KLHL1: variants seen among roughly 807,000 people sequenced by gnomAD.
The protein encoded by KLHL1 is kelch like family member 1.
In KLHL1, 47 loss-of-function variants were observed where a neutral mutation model predicts 77.7. The ratio of observed to expected loss-of-function variants is 0.60; its 90% CI spans 0.48 to 0.77. The LOEUF (loss-of-function observed/expected upper bound fraction) is 0.77. Ranked by LOEUF, KLHL1 falls within the 30% of genes least tolerant of loss-of-function variation. KLHL1 has a pLI of 0.00. For synonymous variants in KLHL1, 360 were observed against 325.2 expected (o/e 1.11, Z -1.15); for missense variants, 925 against 910.8 (o/e 1.02, Z -0.20).
chr13:70,052,099 G>A (rs994802641), intron 1 of KLHL1, among the ~76,000 whole-genome samples: 2 of 151,824 alleles, frequency 1.3e-5, no homozygotes, highest in Non-Finnish European at 2.9e-5. Context: ...GGCCATTGAA[G>A]TTCAATCCAG....
In KLHL1 at chr13:69,782,838, G is replaced by T. The variant is rs561700596; in HGVS notation, c.1639+13900C>A. On this transcript the variant is annotated intron_variant, in intron 7 of 10. Coordinates refer to ENST00000377844, the MANE Select transcript of KLHL1 (RefSeq NM_020866.3). ...GTGGTTCTCCCAGCACGCAGCTGGT[G>T]ATCTGAGAATGAGCAGACTGCCTCC... is the stretch of plus-strand genomic sequence containing the variant. 1.2e-4 allele frequency among the ~76,000 whole-genome samples: 18 copies of T among 152,302 alleles called. No homozygotes were observed. In the East Asian group the frequency reaches 1.4e-3, roughly 11 times the overall value.
intron 6 of KLHL1, among the ~76,000 whole-genome samples, chr13:69,822,642 A>C (rs73212520): frequency 0.019 from 2,913 of 152,292 alleles, 65 homozygotes; most frequent in Middle Eastern, 0.044. Flanking sequence ...ACTTACAAAA[A>C]TATTACAAGT....
chr13:69,788,116 A>G (rs1489900809), intron 7 of KLHL1, among the ~76,000 whole-genome samples: 447 of 148,966 alleles, frequency 3.0e-3, no homozygotes, highest in African/African-American at 0.011. Context: ...TTCCTCAGGG[A>G]TCTAGAACTA....
At chr13:69,906,128 C>T (rs574225317) in intron 4 of KLHL1, among the ~76,000 whole-genome samples, 11 of 152,102 alleles carry the variant, frequency 7.2e-5, no homozygotes, top group Admixed American at 2.6e-4. Context: ...TTCTCAATAC[C>T]GCATGAGAAC....
chr13:70,107,587 A>G lies in KLHL1; in HGVS notation c.113T>C (p.Leu38Pro). Residue 38 changes from leucine to proline, a missense_variant, in exon 1 of 11, where the codon CTG becomes CCG. Transcript: ENST00000377844. ...STGGPAGGGCLQQDGSGSFEH... is the reference protein window; with the variant it reads ...STGGPAGGGCPQQDGSGSFEH... Reference sequence around the variant, plus strand: ...AAAGCTGCCACTGCCGTCCTGTTGCAGGCAGCCTCCCCCCGCCGGGCCGCC... The same window carrying G: ...AAAGCTGCCACTGCCGTCCTGTTGCGGGCAGCCTCCCCCCGCCGGGCCGCC... 6.2e-7 allele frequency: 1 copy of G among 1,602,804 alleles called. No individual in the cohort carries two copies. Among genetic ancestry groups the G allele is most frequent in the Non-Finnish European group, 8.5e-7 (1 of 1,174,258 alleles).
chr13:70,037,377 G>A (rs1178107817), intron 1 of KLHL1, among the ~76,000 whole-genome samples: 1 of 152,020 alleles, frequency 6.6e-6, no homozygotes, highest in African/African-American at 2.4e-5. Context: ...CTTGGCTTTT[G>A]CTGTTGCAGT....
At chr13:70,089,736 T>C (rs1419204275) in intron 1 of KLHL1, among the ~76,000 whole-genome samples, 1 of 152,124 alleles carries the variant, frequency 6.6e-6, no homozygotes, top group Admixed American at 6.6e-5. Flanking sequence ...AAAAACAATA[T>C]TAGGTATATT....
At chr13:70,059,899 CA>C (rs1886836341) in intron 1 of KLHL1, among the ~76,000 whole-genome samples, 1 of 152,186 alleles carries the variant, frequency 6.6e-6, no homozygotes, top group Non-Finnish European at 1.5e-5. Context: ...CACTCACTAT[CA>C]TGGGAACAGC....
intron 9 of KLHL1, among the ~76,000 whole-genome samples, chr13:69,710,215 A>T (rs1323040079): frequency 6.6e-6 from 1 of 151,830 alleles, no homozygotes; most frequent in Admixed American, 6.6e-5. Context: ...GGGAAATTTT[A>T]AGAATACTCA....
At chr13:70,071,828 C>CAA (rs1887144555) in intron 1 of KLHL1, among the ~76,000 whole-genome samples, 1 of 151,938 alleles carries the variant, frequency 6.6e-6, no homozygotes, top group Admixed American at 6.6e-5. Context: ...GCATGGAATA[C>CAA]AGTACATACA....
At chr13:69,838,529 A>G (rs1879118911) in intron 6 of KLHL1, among the ~76,000 whole-genome samples, 1 of 151,862 alleles carries the variant, frequency 6.6e-6, no homozygotes, top group Non-Finnish European at 1.5e-5. Flanking sequence ...CTTATAAATT[A>G]TAACTTTCAC....
At chr13:69,748,608 A>G (rs182415088) in intron 7 of KLHL1, among the ~76,000 whole-genome samples, 1 of 152,146 alleles carries the variant, frequency 6.6e-6, no homozygotes, top group Admixed American at 6.6e-5. Context: ...TATCACCACC[A>G]GTATGACATC....
intron 4 of KLHL1, among the ~76,000 whole-genome samples, chr13:69,892,777 G>A (rs930664389): frequency 6.6e-6 from 1 of 152,138 alleles, no homozygotes; most frequent in African/African-American, 2.4e-5. Flanking sequence ...TAGAAAGAAA[G>A]AAGTCAGTAC....
chr13:70,101,266 T>C (rs915502049), intron 1 of KLHL1, among the ~76,000 whole-genome samples: 1 of 126,756 alleles, frequency 7.9e-6, no homozygotes, highest in Non-Finnish European at 1.8e-5. Flanking sequence ...AATACAATAT[T>C]GTCCTTCAAC....
intron 8 of KLHL1, among the ~76,000 whole-genome samples, chr13:69,724,763 C>G (rs1316894985): frequency 4.6e-5 from 7 of 152,188 alleles, no homozygotes; most frequent in Admixed American, 1.3e-4. Flanking sequence ...TCAATAGATG[C>G]AGAAAATGCA....
chr13:69,974,548 A>G (rs888224421), intron 2 of KLHL1, among the ~76,000 whole-genome samples: 2 of 151,984 alleles, frequency 1.3e-5, no homozygotes, highest in African/African-American at 4.8e-5. Context: ...AAAGACTACA[A>G]GATTGAAGAA....
At chr13:70,041,809 CTTG>C (rs1483304467) in intron 1 of KLHL1, among the ~76,000 whole-genome samples, 1 of 152,022 alleles carries the variant, frequency 6.6e-6, no homozygotes, top group East Asian at 1.9e-4. Context: ...GGCCAGGGAC[CTTG>C]TTATTGCCAC....
At chr13:69,855,617 C>T (rs1161588556) in intron 5 of KLHL1, among the ~76,000 whole-genome samples, 1 of 151,508 alleles carries the variant, frequency 6.6e-6, no homozygotes, top group African/African-American at 2.4e-5. Context: ...ATAAGGGGCT[C>T]TCCCTGCTAC....
intron 7 of KLHL1, among the ~76,000 whole-genome samples, chr13:69,759,700 C>T (rs1254357031): frequency 6.6e-6 from 1 of 152,098 alleles, no homozygotes; most frequent in Non-Finnish European, 1.5e-5. Context: ...AGGTAGGCAA[C>T]CTTAAATTCG....
Sources: allele counts gnomAD v4.1 joint callset (sites outside exome capture counted in the v4.1 genomes callset), GRCh38; gene constraint gnomAD v4.1.1; transcripts MANE v1.5; gene names NCBI Gene and HGNC (gene_info 2026-07-23, HGNC 2026-07-21).